KIAA0753: variants seen among roughly 807,000 people sequenced by gnomAD.
KIAA0753 encodes KIAA0753.
KIAA0753 carries 114 observed loss-of-function variants against 116.9 expected under a neutral mutation model. That is an observed-to-expected ratio of 0.98 (90% CI 0.84 to 1.14). The LOEUF (loss-of-function observed/expected upper bound fraction) is 1.14, where lower values mean the gene tolerates loss of function less well. KIAA0753 is among the 50% of genes most tolerant of loss of function. The pLI is 0.00. For missense variants in KIAA0753, 1,156 were observed against 1,172.4 expected (o/e 0.99, Z 0.20); for synonymous variants, 405 against 413.1 (o/e 0.98, Z 0.24).
intron 8 of KIAA0753, among the ~76,000 whole-genome samples, chr17:6,611,307 T>A (rs1970526576): frequency 6.6e-6 from 1 of 152,188 alleles, no homozygotes; most frequent in African/African-American, 2.4e-5. Context: ...GAACTAATTT[T>A]TTTTTTTCTT....
rs1181806080 is a variant in KIAA0753, at chr17:6,589,855, T to G, written c.2710A>C (p.Ser904Arg). 2 of 1,613,968 alleles carry G rather than the reference T, an allele frequency of 1.2e-6. No homozygotes were observed. The highest frequency in any genetic ancestry group is 2.7e-5 in the African/African-American group (2 of 74,910). Residue 904 changes from serine (S) to arginine (R), a missense_variant, in exon 18 of 19, where the codon AGT becomes CGT. By Grantham distance (110) the Ser-to-Arg change is moderately radical. Coordinates refer to ENST00000361413, the MANE Select transcript of KIAA0753 (RefSeq NM_014804.3). ...ATCCGAAGGTACTGCTCAAAACGAC[T>G]ACAGTAGTCACCGATGCTGTGCTGC... Reference protein sequence around the residue: ...GMQHSIGDYCSRFEQYLRIIS... With the variant: ...GMQHSIGDYCRRFEQYLRIIS...
At chr17:6,586,271 A>G (rs1359588569) in intron 18 of KIAA0753, among the ~76,000 whole-genome samples, 1 of 152,166 alleles carries the variant, frequency 6.6e-6, no homozygotes, top group Admixed American at 6.5e-5. Context: ...CAGAACTGTA[A>G]GCTAATGAAA....
Position 6,590,523 on chromosome 17 carries a change from G to C in KIAA0753, c.2548C>G (p.Pro850Ala), listed in dbSNP as rs774472432. Residue 850 changes from proline to alanine, a missense_variant, in exon 17 of 19, where the codon CCC (proline) becomes GCC (alanine). By Grantham distance (27) the Pro-to-Ala change is conservative. Coordinates refer to ENST00000361413, the MANE Select transcript of KIAA0753 (RefSeq NM_014804.3). ...TTTGCCACTTACTTGCCATTACAGG[G>C]CCTTTCTAACATGATGTTCACGGCT... is the stretch of plus-strand genomic sequence containing the variant. ...DPAVNIMLERPCNGNSLDESV... is the reference protein window; with the variant it reads ...DPAVNIMLERACNGNSLDESV... 1 of 1,614,000 alleles carries C rather than the reference G, an allele frequency of 6.2e-7. No homozygotes were observed.
chr17:6,617,062 T>C lies in KIAA0753; in HGVS notation c.1315+3726A>G, dbSNP rs186367867. ...GGCACCTCAAATCTTCTACCTCATT[T>C]AGCAAACACTTCTCTGTGTGCAGGC... On this transcript the variant is annotated intron_variant, in intron 7 of 18. Coordinates refer to ENST00000361413, the MANE Select transcript of KIAA0753 (RefSeq NM_014804.3). Among the ~76,000 whole-genome samples the C allele has an allele frequency of 1.1e-4, 16 of 152,362 alleles. 1 individual carries two copies. Among genetic ancestry groups the C allele is most frequent in the African/African-American group, 3.8e-4 (16 of 41,580 alleles).
At position 6,610,050 on chromosome 17, in the gene KIAA0753, G is replaced by T. The variant is rs746561247; in HGVS notation, c.1656C>A (p.Asp552Glu). 3 of 1,614,144 alleles carry T rather than the reference G, an allele frequency of 1.9e-6. No individual in the cohort carries two copies. The highest frequency in any genetic ancestry group is 2.5e-6 in the Non-Finnish European group (3 of 1,180,006). Residue 552 changes from aspartate (D) to glutamate (E), a missense_variant, in exon 9 of 19, where the codon GAC becomes GAA. By Grantham distance (45) the Asp-to-Glu change is conservative. Transcript: ENST00000361413. ...RLKMNRQPVK[D>E]RKAPWIPPNP... The stretch of plus-strand genomic sequence containing the variant: ...TTGGGGGTATCCATGGTGCCTTGCG[G>T]TCTTTCACAGGCTGCCGGTTCATTT...
At chr17:6,594,281 C>T (rs200565237) in intron 16 of KIAA0753, among the ~76,000 whole-genome samples, 3 of 145,520 alleles carry the variant, frequency 2.1e-5, no homozygotes, top group Admixed American at 1.3e-4. Flanking sequence ...ATTCTGACCC[C>T]CCCCCCCAGA....
chr17:6,591,734 G>A (rs1969079578), intron 16 of KIAA0753, among the ~76,000 whole-genome samples: 1 of 152,228 alleles, frequency 6.6e-6, no homozygotes, highest in Non-Finnish European at 1.5e-5. Context: ...CTAACTTTGT[G>A]GCCAGTGGCC....
chr17:6,611,395 G>C (rs1414218982), intron 8 of KIAA0753, among the ~76,000 whole-genome samples: 3 of 151,934 alleles, frequency 2.0e-5, no homozygotes, highest in Non-Finnish European at 4.4e-5. Context: ...CAAACTCCTG[G>C]GATCAAGTGA....
chr17:6,637,770 C>A (rs1430405441), intron 1 of KIAA0753: 1 of 152,416 alleles, frequency 6.6e-6, no homozygotes, highest in East Asian at 1.9e-4. Context: ...TTTCACCCCA[C>A]AATTCTGAGC....
intron 12 of KIAA0753, among the ~76,000 whole-genome samples, chr17:6,602,910 GA>G (rs1190999591): frequency 1.3e-5 from 2 of 151,560 alleles, no homozygotes; most frequent in Non-Finnish European, 2.9e-5. Flanking sequence ...TCTGAGGAAG[GA>G]AAAAAAAGAT....
intron 7 of KIAA0753, among the ~76,000 whole-genome samples, chr17:6,619,066 T>C (rs574512138): frequency 1.3e-5 from 2 of 152,054 alleles, no homozygotes; most frequent in African/African-American, 4.8e-5. Flanking sequence ...CCGTCTCTAC[T>C]AAAAATACAA....
chr17:6,619,624 C>T (rs757183610), intron 7 of KIAA0753, among the ~76,000 whole-genome samples: 12 of 152,082 alleles, frequency 7.9e-5, no homozygotes, highest in Non-Finnish European at 1.3e-4. Flanking sequence ...ACAGAGTCTA[C>T]TTATGTTGCC....
At chr17:6,606,785 C>A in intron 12 of KIAA0753, 88 bp downstream of exon 12, 1 of 959,946 alleles carries the variant, frequency 1.0e-6, no homozygotes, top group South Asian at 1.3e-5. Context: ...GAAGTTAGGC[C>A]TTAACAGTCC....
intron 11 of KIAA0753, 40 bp downstream of exon 11, chr17:6,607,141 G>T (rs764337141): frequency 6.6e-7 from 1 of 1,505,592 alleles, no homozygotes; most frequent in South Asian, 1.1e-5. Context: ...ATGTAGAATA[G>T]GCCTGCTTAC....
chr17:6,634,972 A>G (rs1394110453), intron 2 of KIAA0753, 39 bp downstream of exon 2: 2 of 1,286,360 alleles, frequency 1.6e-6, no homozygotes, highest in African/African-American at 2.9e-5. Flanking sequence ...TATGTTTGAA[A>G]TATTTAATAA....
intron 12 of KIAA0753, among the ~76,000 whole-genome samples, chr17:6,601,494 T>C (rs1694522243): frequency 6.6e-6 from 1 of 152,212 alleles, no homozygotes. Flanking sequence ...AAAACTTCTC[T>C]GGGCAGTCTG....
intron 18 of KIAA0753, among the ~76,000 whole-genome samples, chr17:6,588,685 C>T (rs1338799374): frequency 1.3e-5 from 2 of 152,102 alleles, no homozygotes; most frequent in East Asian, 3.8e-4. Flanking sequence ...TAGTATACTA[C>T]TTAGCTCAAT....
At chr17:6,596,668 G>C (rs1969508411) in intron 14 of KIAA0753, among the ~76,000 whole-genome samples, 1 of 152,212 alleles carries the variant, frequency 6.6e-6, no homozygotes. Flanking sequence ...ACATTCAGGA[G>C]AATGTCCAAT....
chr17:6,601,464 C>T (rs895755181), intron 12 of KIAA0753, among the ~76,000 whole-genome samples: 4 of 152,346 alleles, frequency 2.6e-5, no homozygotes, highest in Middle Eastern at 3.4e-3. Flanking sequence ...CCTGATCTTA[C>T]TCTCTGGGCC....
Sources: allele counts gnomAD v4.1 joint callset (sites outside exome capture counted in the v4.1 genomes callset), GRCh38; gene constraint gnomAD v4.1.1; transcripts MANE v1.5; gene names NCBI Gene and HGNC (gene_info 2026-07-23, HGNC 2026-07-21).